Variants in EPHA3 observed in about 807,000 individuals in gnomAD.
EPHA3 encodes the protein EPH receptor A3.
Under a neutral mutation model 107.1 loss-of-function variants are expected in EPHA3, and 42 were observed. That is an observed-to-expected ratio of 0.39 (90% CI 0.31 to 0.51). The LOEUF (loss-of-function observed/expected upper bound fraction) is 0.51, where lower values mean the gene tolerates loss of function less well. EPHA3 is among the 20% of genes least tolerant of loss of function. The pLI is 0.78. For missense variants in EPHA3, 1,183 were observed against 1,211.2 expected (o/e 0.98, Z 0.35); for synonymous variants, 461 against 424.8 (o/e 1.09, Z -1.05).
chr3:89,266,583 T>G (rs995160144), intron 3 of EPHA3, among the ~76,000 whole-genome samples: 4 of 152,114 alleles, frequency 2.6e-5, no homozygotes, highest in Admixed American at 2.6e-4. Context: ...AACTCTCAAT[T>G]TTTCTCCAAC....
intron 15 of EPHA3, among the ~76,000 whole-genome samples, chr3:89,457,054 T>A (rs1056259643): frequency 6.6e-6 from 1 of 152,140 alleles, no homozygotes; most frequent in Non-Finnish European, 1.5e-5. Context: ...GAGGTGAGTT[T>A]ACTTTTATAT....
chr3:89,171,173 A>G (rs1705201650), intron 2 of EPHA3, among the ~76,000 whole-genome samples: 1 of 152,182 alleles, frequency 6.6e-6, no homozygotes, highest in Non-Finnish European at 1.5e-5. Context: ...ACCCACTAAA[A>G]TAAAATGAAC....
chr3:89,213,377 C>T (rs917246266), intron 3 of EPHA3, among the ~76,000 whole-genome samples: 1 of 152,000 alleles, frequency 6.6e-6, no homozygotes, highest in Non-Finnish European at 1.5e-5. Flanking sequence ...TACCAACTAT[C>T]CATTCTTAGA....
intron 2 of EPHA3, among the ~76,000 whole-genome samples, chr3:89,208,858 A>G (rs1041911216): frequency 2.0e-5 from 3 of 152,198 alleles, no homozygotes; most frequent in African/African-American, 7.2e-5. Flanking sequence ...GATCCCTAGA[A>G]AACTTTACAT....
chr3:89,429,728 ATC>A (rs1384743908), intron 12 of EPHA3, among the ~76,000 whole-genome samples: 7 of 150,022 alleles, frequency 4.7e-5, no homozygotes, highest in Admixed American at 1.3e-4. Flanking sequence ...CTATCTATCT[ATC>A]TATCTATCTA....
At chr3:89,186,276 C>G (rs140112221) in intron 2 of EPHA3, among the ~76,000 whole-genome samples, 21 of 152,106 alleles carry the variant, frequency 1.4e-4, no homozygotes, top group South Asian at 6.2e-4. Flanking sequence ...ACCTAACACC[C>G]TTTACCTTGT....
At chr3:89,203,846 G>C (rs1046676098) in intron 2 of EPHA3, among the ~76,000 whole-genome samples, 10 of 152,090 alleles carry the variant, frequency 6.6e-5, no homozygotes, top group Admixed American at 6.5e-4. Context: ...GAAGAGTGGA[G>C]CTGAGGCTAC....
intron 3 of EPHA3, among the ~76,000 whole-genome samples, chr3:89,258,206 A>T (rs1705331056): frequency 6.6e-6 from 1 of 152,198 alleles, no homozygotes; most frequent in South Asian, 2.1e-4. Flanking sequence ...TAACTAGCTT[A>T]TGTCCTGAAA....
chr3:89,370,528 G>A (rs763950024), intron 5 of EPHA3, among the ~76,000 whole-genome samples: 1 of 151,470 alleles, frequency 6.6e-6, no homozygotes, highest in African/African-American at 2.4e-5. Context: ...GAGGGGGGAG[G>A]GATAGCATTA....
At position 89,219,690 on chromosome 3, in the gene EPHA3, T is replaced by TTTTTTTTTG. The variant is rs1559606277; in HGVS notation, c.814+9178_814+9179insGTTTTTTTT. 5.4e-4 allele frequency among the ~76,000 whole-genome samples: 8 copies of TTTTTTTTTG among 14,682 alleles called. 2 individuals carry two copies. The East Asian group carries it at 0.01, about 18-fold the overall frequency. The allele number at this position is 14,682 out of a possible 152,430, so 9.6% of individuals were successfully genotyped here. On this transcript the variant is annotated intron_variant, in intron 3 of 16. Transcript: ENST00000336596. The stretch of plus-strand genomic sequence containing the variant: ...ACCTCCAAGAGGCATTTGGCAATGT[T>TTTTTTTTTG]TTTTTTTTTTTTGTTTTTTGTTTTT...
rs540520359 is a variant in EPHA3, at chr3:89,378,298, C to A, written c.1307-17539C>A. ...TAAGTGTATTGGGATATATTCACAT[C>A]TCATGAAATCCATTCATTTCAAGTG... On this transcript the variant is annotated intron_variant, in intron 5 of 16. Transcript: ENST00000336596. 1.6e-3 allele frequency among the ~76,000 whole-genome samples: 246 copies of A among 152,196 alleles called. 1 individual carries two copies. Among genetic ancestry groups the A allele is most frequent in the African/African-American group, 5.7e-3 (238 of 41,536 alleles).
intron 3 of EPHA3, among the ~76,000 whole-genome samples, chr3:89,273,298 A>G (rs575404195): frequency 6.6e-6 from 1 of 152,104 alleles, no homozygotes; most frequent in South Asian, 2.1e-4. Context: ...CTTAAAAGGC[A>G]GTAGGAATGT....
chr3:89,155,955 C>T (rs1203150199), intron 2 of EPHA3, among the ~76,000 whole-genome samples: 1 of 151,912 alleles, frequency 6.6e-6, no homozygotes, highest in Non-Finnish European at 1.5e-5. Context: ...TTCAACTTTA[C>T]AAGAAACAGA....
intron 3 of EPHA3, among the ~76,000 whole-genome samples, chr3:89,334,947 T>A (rs1707361766): frequency 6.6e-6 from 1 of 152,144 alleles, no homozygotes; most frequent in Admixed American, 6.5e-5. Flanking sequence ...TTTCAGGAAA[T>A]TGCTTAGTGA....
intron 3 of EPHA3, among the ~76,000 whole-genome samples, chr3:89,284,200 C>A (rs1189942174): frequency 6.6e-6 from 1 of 152,062 alleles, no homozygotes; most frequent in Non-Finnish European, 1.5e-5. Flanking sequence ...AAAGTCCATA[C>A]TCATTTACAT....
intron 1 of EPHA3, among the ~76,000 whole-genome samples, chr3:89,111,379 T>C (rs1185679018): frequency 1.3e-5 from 2 of 152,100 alleles, no homozygotes; most frequent in African/African-American, 2.4e-5. Context: ...ATATCATCTT[T>C]ATAAGTTTTT....
intron 2 of EPHA3, among the ~76,000 whole-genome samples, chr3:89,196,893 G>A (rs963109679): frequency 1.3e-5 from 2 of 151,988 alleles, no homozygotes; most frequent in African/African-American, 4.8e-5. Flanking sequence ...AATGGTTTTG[G>A]AATCTGTTAT....
chr3:89,460,206 C>A (rs1163631128), intron 15 of EPHA3, among the ~76,000 whole-genome samples: 1 of 152,006 alleles, frequency 6.6e-6, no homozygotes, highest in Non-Finnish European at 1.5e-5. Context: ...GAAATAATTT[C>A]TTCTTAAGTT....
At chr3:89,243,712 C>A (rs1027418978) in intron 3 of EPHA3, among the ~76,000 whole-genome samples, 1 of 152,078 alleles carries the variant, frequency 6.6e-6, no homozygotes, top group Non-Finnish European at 1.5e-5. Context: ...CTGTAGGTTG[C>A]GTGTTCACTC....
Sources: gnomAD v4.1 joint callset for allele counts (sites outside exome capture counted in the v4.1 genomes callset) on GRCh38, gnomAD v4.1.1 for gene constraint, MANE v1.5 for transcripts, NCBI Gene and HGNC (gene_info 2026-07-23, HGNC 2026-07-21) for gene names.